Variants in KCTD16 observed in about 807,000 individuals in gnomAD.
KCTD16 encodes the protein BTB/POZ domain-containing protein KCTD16.
Under a neutral mutation model 33.2 loss-of-function variants are expected in KCTD16, and 13 were observed. The ratio of observed to expected loss-of-function variants is 0.39; its 90% CI spans 0.25 to 0.62. KCTD16 has a LOEUF of 0.62. Ranked by LOEUF, KCTD16 falls within the 20% of genes least tolerant of loss-of-function variation. The pLI, the probability that KCTD16 is intolerant of heterozygous loss-of-function variation, is 0.50. For missense variants in KCTD16, 441 were observed against 525.1 expected, an observed-to-expected ratio of 0.84 and a Z score of 1.57; for synonymous variants, 197 against 195.3, an observed-to-expected ratio of 1.01 and a Z score of -0.07.
At chr5:144,345,458 AT>A (rs1325774304) in intron 3 of KCTD16, among the ~76,000 whole-genome samples, 1 of 152,070 alleles carries the variant, frequency 6.6e-6, no homozygotes, top group Non-Finnish European at 1.5e-5. Context: ...TTCCTGGGTA[AT>A]TTCAGTCTGT....
chr5:144,256,504 C>A (rs1463275282), intron 3 of KCTD16, among the ~76,000 whole-genome samples: 1 of 151,708 alleles, frequency 6.6e-6, no homozygotes, highest in Non-Finnish European at 1.5e-5. Flanking sequence ...TTTTTTGGAA[C>A]AAAGAGTAAA....
rs776180589 is a variant in KCTD16 at position 144,207,171 on chromosome 5, C to G, written c.457C>G (p.Pro153Ala). The G allele has an allele frequency of 8.1e-6, 13 of 1,612,734 alleles. No homozygotes were observed. The highest frequency in any genetic ancestry group is 8.0e-5 in the African/African-American group (6 of 74,816). ...AGGAAGCGACACAAGAATCTGCCCC[C>G]CTTCCTCCCTGCTCCCTGCCGACCG... ...SQGSDTRICP[P>A]SSLLPADRKW... Residue 153 changes from proline (P) to alanine (A), a missense_variant, in exon 3 of 4, where the codon CCT becomes GCT. By Grantham distance (27) the Pro-to-Ala change is conservative. Coordinates refer to ENST00000512467, the MANE Select transcript of KCTD16 (RefSeq NM_020768.4).
chr5:144,226,804 C>T (rs1444021356), intron 3 of KCTD16, among the ~76,000 whole-genome samples: 1 of 152,140 alleles, frequency 6.6e-6, no homozygotes, highest in Non-Finnish European at 1.5e-5. Context: ...AACTCCTGAC[C>T]TCAGGTGATC....
intron 3 of KCTD16, among the ~76,000 whole-genome samples, chr5:144,388,547 G>A (rs79188859): frequency 0.025 from 3,867 of 152,182 alleles, 69 homozygotes; most frequent in African/African-American, 0.041. Flanking sequence ...CATGGGATAT[G>A]AATCAATCAA....
chr5:144,332,299 CTA>C (rs985616540), intron 3 of KCTD16, among the ~76,000 whole-genome samples: 1 of 152,070 alleles, frequency 6.6e-6, no homozygotes, highest in African/African-American at 2.4e-5. Flanking sequence ...GAGGCTGAGT[CTA>C]TGACTCAGGC....
At chr5:144,231,327 C>T (rs1283892985) in intron 3 of KCTD16, among the ~76,000 whole-genome samples, 1 of 151,998 alleles carries the variant, frequency 6.6e-6, no homozygotes, top group Non-Finnish European at 1.5e-5. Context: ...CACATACTCT[C>T]TATCAAGTAT....
chr5:144,423,341 C>T (rs1407732935), intron 3 of KCTD16, among the ~76,000 whole-genome samples: 1 of 152,090 alleles, frequency 6.6e-6, no homozygotes. Context: ...TGAAATATTC[C>T]TCTGGCTACT....
intron 3 of KCTD16, among the ~76,000 whole-genome samples, chr5:144,336,178 GTTCTAA>G (rs370711595): frequency 1.1e-3 from 175 of 152,334 alleles, no homozygotes; most frequent in African/African-American, 4.1e-3. Flanking sequence ...TTCCTGAGAA[GTTCTAA>G]TTCATTTTCC....
At chr5:144,197,879 C>T (rs1156509135) in intron 2 of KCTD16, among the ~76,000 whole-genome samples, 2 of 152,110 alleles carry the variant, frequency 1.3e-5, no homozygotes, top group African/African-American at 2.4e-5. Context: ...ATTTGTTTGG[C>T]CACAGGCACA....
chr5:144,438,847 C>A (rs567127461), intron 3 of KCTD16, among the ~76,000 whole-genome samples: 2 of 152,228 alleles, frequency 1.3e-5, no homozygotes, highest in East Asian at 3.9e-4. Flanking sequence ...ATGTACTTAT[C>A]CTGTGTTTTT....
chr5:144,357,482 G>A (rs1751596810), intron 3 of KCTD16, among the ~76,000 whole-genome samples: 1 of 152,148 alleles, frequency 6.6e-6, no homozygotes, highest in Admixed American at 6.6e-5. Context: ...GGGAAAAAAG[G>A]TATAAAATAA....
At chr5:144,317,929 C>A (rs1481373565) in intron 3 of KCTD16, among the ~76,000 whole-genome samples, 1 of 152,124 alleles carries the variant, frequency 6.6e-6, no homozygotes, top group East Asian at 1.9e-4. Flanking sequence ...ATCTGTATTT[C>A]CCCGGAGTCT....
chr5:144,410,021 G>A (rs1470421680), intron 3 of KCTD16, among the ~76,000 whole-genome samples: 1 of 152,002 alleles, frequency 6.6e-6, no homozygotes, highest in Admixed American at 6.5e-5. Flanking sequence ...AGGGTGAGGA[G>A]GGGAAGGATG....
intron 3 of KCTD16, among the ~76,000 whole-genome samples, chr5:144,288,360 A>G (rs1377810751): frequency 6.6e-6 from 1 of 152,162 alleles, no homozygotes; most frequent in East Asian, 1.9e-4. Context: ...AGGGCTCATC[A>G]ACGTGTTGTG....
chr5:144,172,818 A>C (rs1165846027), intron 1 of KCTD16, among the ~76,000 whole-genome samples: 1 of 152,238 alleles, frequency 6.6e-6, no homozygotes, highest in Non-Finnish European at 1.5e-5. Context: ...GTCATCAATA[A>C]GATGCAATAA....
intron 3 of KCTD16, among the ~76,000 whole-genome samples, chr5:144,386,012 T>C (rs1363826061): frequency 1.3e-5 from 2 of 152,172 alleles, no homozygotes; most frequent in Non-Finnish European, 2.9e-5. Flanking sequence ...ATTTAAAATA[T>C]TGTTCTTATG....
At chr5:144,472,660 TACA>T (rs1754504478) in intron 3 of KCTD16, among the ~76,000 whole-genome samples, 1 of 152,190 alleles carries the variant, frequency 6.6e-6, no homozygotes, top group Non-Finnish European at 1.5e-5. Context: ...TTGCTGGTAT[TACA>T]ACAACGGATA....
At chr5:144,274,337 A>C (rs933452768) in intron 3 of KCTD16, among the ~76,000 whole-genome samples, 15 of 152,126 alleles carry the variant, frequency 9.9e-5, no homozygotes, top group Non-Finnish European at 2.2e-4. Flanking sequence ...GGCTAGGTTA[A>C]GGGTTACTAT....
chr5:144,186,965 T>A (rs371776291), intron 2 of KCTD16, among the ~76,000 whole-genome samples: 1 of 152,092 alleles, frequency 6.6e-6, no homozygotes, highest in Admixed American at 6.6e-5. Context: ...ATAATAATGA[T>A]CCCTTCCCTC....
Sources: allele counts gnomAD v4.1 joint callset (sites outside exome capture counted in the v4.1 genomes callset), GRCh38; gene constraint gnomAD v4.1.1; transcripts MANE v1.5; gene names NCBI Gene and HGNC (gene_info 2026-07-23, HGNC 2026-07-21).